The following ZNF100 variants were observed in gnomAD, a reference collection of about 807,000 sequenced individuals.
ZNF100 encodes zinc finger protein 100.
Under a neutral mutation model 15.8 loss-of-function variants are expected in ZNF100, and 12 were observed. The ratio of observed to expected loss-of-function variants is 0.76; its 90% CI spans 0.49 to 1.23. ZNF100 has a LOEUF of 1.23. ZNF100 is among the 50% of genes most tolerant of loss of function. ZNF100 has a pLI of 0.00. For missense variants in ZNF100, 670 were observed against 635.6 expected, an observed-to-expected ratio of 1.05 and a Z score of -0.58; for synonymous variants, 226 against 214.8, an observed-to-expected ratio of 1.05 and a Z score of -0.45.
chr19:21,746,177 TAGA>T (rs1184934336), intron 2 of ZNF100, among the ~76,000 whole-genome samples: 1 of 152,226 alleles, frequency 6.6e-6, no homozygotes, highest in African/African-American at 2.4e-5. Context: ...CTTATGCACA[TAGA>T]AGAACATAGC....
intron 1 of ZNF100, 66 bp from the exon 2 acceptor site, chr19:21,765,852 A>C (rs1230974957): frequency 6.7e-7 from 1 of 1,501,050 alleles, no homozygotes; most frequent in East Asian, 2.3e-5. Flanking sequence ...ACCATGGCGG[A>C]TATCTCGGTT....
chr19:21,730,445 A>AGAGTGTGTGT (rs71178761), intron 4 of ZNF100, among the ~76,000 whole-genome samples: 1,709 of 147,704 alleles, frequency 0.012, 56 homozygotes, highest in East Asian at 0.12. Context: ...TGATAACCTA[A>AGAGTGTGTGT]GTGTGTGTGT....
rs139700594 is a variant in ZNF100 at position 21,725,195 on chromosome 19, C to T, written c.*1488G>A. On this transcript the variant is annotated 3_prime_UTR_variant, in exon 5 of 5. Coordinates refer to ENST00000358296, the MANE Select transcript of ZNF100 (RefSeq NM_173531.4). Reference sequence around the variant, plus strand: ...AATAGTATACTGTTACCATGTTTTACGTACACCCTTGAGTAAGGTGGAATA... The same window carrying T: ...AATAGTATACTGTTACCATGTTTTATGTACACCCTTGAGTAAGGTGGAATA... 2.4e-3 allele frequency: 362 copies of T among 152,222 alleles called. 1 individual carries two copies. Among genetic ancestry groups the T allele is most frequent in the African/African-American group, 8.2e-3 (341 of 41,518 alleles). The allele number at this position is 152,222 out of a possible 1,614,324, so 9.4% of individuals were successfully genotyped here. A position where few individuals can be genotyped will look rare whatever the true frequency, so the allele number is the denominator to read the frequency against.
intron 2 of ZNF100, chr19:21,751,286 A>C (rs986616803): frequency 9.4e-5 from 95 of 1,006,474 alleles, no homozygotes; most frequent in Non-Finnish European, 1.2e-4. Flanking sequence ...GACCTTAGAA[A>C]TATATTACCA....
chr19:21,757,212 TAGATCACTTGAGATCAGG>T (rs1256742111), intron 2 of ZNF100, among the ~76,000 whole-genome samples: 1 of 152,192 alleles, frequency 6.6e-6, no homozygotes, highest in African/African-American at 2.4e-5. Flanking sequence ...CCAAGGCAGG[TAGATCACTTGAGATCAGG>T]AGTTTCAGGC....
In ZNF100 at chr19:21,764,059, G is replaced by A. The variant is rs1034890719; in HGVS notation, c.96+1635C>T. The stretch of plus-strand genomic sequence containing the variant: ...TGCCTGTGAGCCCCCAGCTTTCCAG[G>A]ACTCTGTAGCTTCTCTCAGCAGATA... On this transcript the variant is annotated intron_variant, in intron 2 of 4. Coordinates refer to ENST00000358296, the MANE Select transcript of ZNF100 (RefSeq NM_173531.4). Among the ~76,000 whole-genome samples, 10 of 152,082 alleles carry A rather than the reference G, an allele frequency of 6.6e-5. 1 individual carries two copies. The highest frequency in any genetic ancestry group is 5.9e-4 in the Admixed American group (9 of 15,270).
intron 2 of ZNF100, among the ~76,000 whole-genome samples, chr19:21,758,621 CAGG>C (rs970115032): frequency 2.1e-4 from 32 of 152,200 alleles, no homozygotes; most frequent in African/African-American, 7.7e-4. Context: ...TGGGATATGC[CAGG>C]AGACTTGTGG....
At chr19:21,762,195 T>C (rs1035278384) in intron 2 of ZNF100, among the ~76,000 whole-genome samples, 3 of 151,792 alleles carry the variant, frequency 2.0e-5, no homozygotes, top group African/African-American at 7.3e-5. Flanking sequence ...GAAAAAAAAA[T>C]AGCACTCCTA....
rs942974310 is a variant in ZNF100 at position 21,727,498 on chromosome 19, G to C, written c.814C>G (p.Arg272Gly). 4 of 1,608,724 alleles carry C rather than the reference G, an allele frequency of 2.5e-6. No individual in the cohort carries two copies. The highest frequency in any genetic ancestry group is 2.6e-6 in the Non-Finnish European group (3 of 1,176,258). ...TTATGTGTAGTAAGGTGTGAGGACC[G>C]GTTAAATGCTTTCCCACATTCTTCA... ...KCEECGKAFN[R>G]SSHLTTHKII... The change falls in exon 5 of 5, where the codon CGG becomes GGG. Residue 272 changes from arginine (R) to glycine (G), a missense_variant. Physicochemically the swap from Arg to Gly is moderately radical, Grantham distance 125. Coordinates refer to ENST00000358296, the MANE Select transcript of ZNF100 (RefSeq NM_173531.4).
At chr19:21,761,428 T>C (rs1265825817) in intron 2 of ZNF100, among the ~76,000 whole-genome samples, 1 of 152,228 alleles carries the variant, frequency 6.6e-6, no homozygotes, top group Non-Finnish European at 1.5e-5. Context: ...TGACATACTT[T>C]GCTTTAATGA....
intron 1 of ZNF100, among the ~76,000 whole-genome samples, chr19:21,766,893 C>G (rs533113962): frequency 6.6e-6 from 1 of 152,184 alleles, no homozygotes; most frequent in Non-Finnish European, 1.5e-5. Flanking sequence ...ACTCGGGAGG[C>G]TGAGCCAGGA....
chr19:21,733,679 G>A (rs1427905778), intron 4 of ZNF100, among the ~76,000 whole-genome samples: 4 of 152,274 alleles, frequency 2.6e-5, no homozygotes, highest in Non-Finnish European at 4.4e-5. Context: ...TTCTCCCAGT[G>A]AAGCACACCC....
intron 2 of ZNF100, 47 bp from the exon 3 acceptor site, chr19:21,745,114 A>G: frequency 6.4e-7 from 1 of 1,559,100 alleles, no homozygotes. Flanking sequence ...CCAAGTGGCC[A>G]TGGGCAGAAT....
chr19:21,727,401 A>T lies in ZNF100; in HGVS notation c.911T>A (p.Leu304His). ...CGKAFNRSSHLTTHKRIHTGV... is the reference protein window; with the variant it reads ...CGKAFNRSSHHTTHKRIHTGV... ...AGTATGAATTCTTTTATGTGTAGTA[A>T]GGTGTGAAGACCGGTTAAAAGCTTT... Residue 304 changes from leucine to histidine, a missense_variant, in exon 5 of 5, where the codon CTT (leucine) becomes CAT (histidine). Coordinates refer to ENST00000358296, the MANE Select transcript of ZNF100 (RefSeq NM_173531.4). The T allele has an allele frequency of 6.2e-7, 1 of 1,612,898 alleles. No individual in the cohort carries two copies. The highest frequency in any genetic ancestry group is 8.5e-7 in the Non-Finnish European group (1 of 1,179,706).
rs2036581299 is a variant in ZNF100, at chr19:21,767,320, A to G, written c.3+107T>C. 17 of 1,587,776 alleles carry G rather than the reference A, an allele frequency of 1.1e-5. No homozygotes were observed. The South Asian group carries it at 1.9e-4, about 18-fold the overall frequency. On this transcript the variant is annotated intron_variant, in intron 1 of 4. Transcript: ENST00000358296. The stretch of plus-strand genomic sequence containing the variant: ...GGAGGCCGAGCTGGGCAAGGCGCAG[A>G]TTGTGAAGCTGACTGCGGAGAGGCC...
Position 21,726,259 on chromosome 19 carries a change from G to C in ZNF100, c.*424C>G. Reference sequence around the variant, plus strand: ...AGTAAGATGTGAGCATGTATTAATGGCTTTTTCACAGTCTTTATATTTGTA... The same window carrying C: ...AGTAAGATGTGAGCATGTATTAATGCCTTTTTCACAGTCTTTATATTTGTA... On this transcript the variant is annotated 3_prime_UTR_variant, in exon 5 of 5. Coordinates refer to ENST00000358296, the MANE Select transcript of ZNF100 (RefSeq NM_173531.4). The C allele has an allele frequency of 6.1e-6, 1 of 163,690 alleles. No individual in the cohort carries two copies. The highest frequency in any genetic ancestry group is 1.3e-5 in the Non-Finnish European group (1 of 75,120). The allele number at this position is 163,690 out of a possible 1,614,324, so 10.1% of individuals were successfully genotyped here.
chr19:21,728,207 G>A (rs1269281178), intron 4 of ZNF100, among the ~76,000 whole-genome samples: 2 of 151,214 alleles, frequency 1.3e-5, no homozygotes, highest in Non-Finnish European at 1.5e-5. Context: ...CCCCTGGTGA[G>A]AACAATGCAA....
intron 2 of ZNF100, among the ~76,000 whole-genome samples, chr19:21,754,012 A>C (rs2036352469): frequency 6.6e-6 from 1 of 152,208 alleles, no homozygotes; most frequent in African/African-American, 2.4e-5. Flanking sequence ...AAATTTGAAA[A>C]ACTAAAAGGA....
At chr19:21,747,218 C>A (rs1327031980) in intron 2 of ZNF100, among the ~76,000 whole-genome samples, 1 of 152,200 alleles carries the variant, frequency 6.6e-6, no homozygotes, top group African/African-American at 2.4e-5. Flanking sequence ...AAAGGTGGCA[C>A]TTAACTCTCA....
Sources: gnomAD v4.1 joint callset for allele counts (sites outside exome capture counted in the v4.1 genomes callset) on GRCh38, gnomAD v4.1.1 for gene constraint, MANE v1.5 for transcripts, NCBI Gene and HGNC (gene_info 2026-07-23, HGNC 2026-07-21) for gene names.